TEX9: variants seen among roughly 807,000 people sequenced by gnomAD.
TEX9 encodes testis-expressed protein 9.
In TEX9, 74 loss-of-function variants were observed where a neutral mutation model predicts 59.6. That is an observed-to-expected ratio of 1.24 (90% CI 1.03 to 1.51). The LOEUF is 1.51. TEX9 is among the 40% of genes most tolerant of loss of function. TEX9 has a pLI of 0.00. For missense variants in TEX9, 522 were observed against 447.8 expected (o/e 1.17, Z -1.49); for synonymous variants, 186 against 152.2 (o/e 1.22, Z -1.64).
In TEX9 at chr15:56,336,884, G is replaced by A. The variant is rs1410274496; in HGVS notation, c.-106-36557G>A. ...CTGGGGCAAGGCATTACCTTTCAGCGTAGGGCGATTCCCAGTAGAGGACTC... is the reference window on the plus strand; with the variant it reads ...CTGGGGCAAGGCATTACCTTTCAGCATAGGGCGATTCCCAGTAGAGGACTC... On this transcript the variant is annotated intron_variant, in intron 1 of 5. Coordinates refer to the TEX9 transcript ENST00000560827. 3.3e-5 allele frequency among the ~76,000 whole-genome samples: 5 copies of A among 152,124 alleles called. No homozygotes were observed. The East Asian group carries it at 5.8e-4, about 18-fold the overall frequency.
intron 9 of TEX9, among the ~76,000 whole-genome samples, chr15:56,409,355 A>G (rs28572531): frequency 6.6e-6 from 1 of 152,252 alleles, no homozygotes; most frequent in Admixed American, 6.5e-5. Context: ...TTCTCTTATC[A>G]AAACCTAACA....
Position 56,365,482 on chromosome 15 carries a change from G to A in TEX9, c.27+5G>A, listed in dbSNP as rs1382394709. 4 of 1,614,194 alleles carry A rather than the reference G, an allele frequency of 2.5e-6. No homozygotes were observed. The highest frequency in any genetic ancestry group is 3.3e-4 in the Middle Eastern group (2 of 6,060). On this transcript the variant is annotated splice_donor_5th_base_variant and intron_variant, in intron 1 of 12. Transcript: ENST00000352903. ...GGGCGAAGTCTGTGTCTCACGGTCA[G>A]TTCAACTCCAGGCTCCTGGGGAGCG... is the stretch of plus-strand genomic sequence containing the variant.
At position 56,289,668 on chromosome 15, in the gene TEX9, G is replaced by C. The variant is rs144477209; in HGVS notation, c.-107+45390G>C. ...GGCTGAGGGGGTTTCTCTTGGCACT[G>C]GGTCTGGCGTGTGGGCTCACTTGCA... On this transcript the variant is annotated intron_variant, in intron 1 of 5. Transcript: ENST00000560827. Among the ~76,000 whole-genome samples, 4 of 152,314 alleles carry C rather than the reference G, an allele frequency of 2.6e-5. No homozygotes were observed. In the East Asian group the frequency reaches 7.7e-4, roughly 29 times the overall value.
At chr15:56,356,038 T>C (rs2046678120) in intron 1 of TEX9, among the ~76,000 whole-genome samples, 1 of 152,108 alleles carries the variant, frequency 6.6e-6, no homozygotes, top group Non-Finnish European at 1.5e-5. Context: ...TTCATGAATT[T>C]TTTGTAGTCT....
intron 9 of TEX9, among the ~76,000 whole-genome samples, chr15:56,412,031 A>C (rs1459432088): frequency 1.3e-5 from 2 of 152,132 alleles, no homozygotes; most frequent in African/African-American, 4.8e-5. Context: ...TGAGTCAATA[A>C]AGAGAGAGAA....
At chr15:56,428,766 A>C in intron 12 of TEX9, 1 of 352,252 alleles carries the variant, frequency 2.8e-6, no homozygotes, top group East Asian at 5.1e-5. Flanking sequence ...GGCTAAATCA[A>C]GTAAGTAAAG....
intron 10 of TEX9, among the ~76,000 whole-genome samples, chr15:56,417,131 A>T (rs1485233420): frequency 6.7e-6 from 1 of 150,256 alleles, no homozygotes; most frequent in East Asian, 1.9e-4. Context: ...TATTTTATTA[A>T]TTTTTTCAAA....
chr15:56,446,783 A>T (rs770734222), downstream of TEX9: 32 of 1,283,788 alleles, frequency 2.5e-5, no homozygotes, highest in Non-Finnish European at 3.5e-5. Flanking sequence ...TTAAGAAACA[A>T]GTCTAATTTT....
At chr15:56,451,750 TGTC>T in the TEX9 span, among the ~76,000 whole-genome samples, 1 of 152,142 alleles carries the variant, frequency 6.6e-6, no homozygotes, top group East Asian at 1.9e-4. Flanking sequence ...CCAATAAACC[TGTC>T]GTAAATTGAA....
intron 1 of TEX9, among the ~76,000 whole-genome samples, chr15:56,315,965 C>G (rs2045747357): frequency 6.6e-6 from 1 of 151,650 alleles, no homozygotes; most frequent in African/African-American, 2.4e-5. Flanking sequence ...CTTCTGCATT[C>G]TTCACGTAGC....
chr15:56,415,226 G>A (rs2049613822), intron 10 of TEX9, among the ~76,000 whole-genome samples: 1 of 151,856 alleles, frequency 6.6e-6, no homozygotes, highest in Non-Finnish European at 1.5e-5. Context: ...CTGTGCAGAA[G>A]CTCTTTAGTT....
intron 12 of TEX9, chr15:56,444,754 A>T (rs1333600534): frequency 2.5e-6 from 3 of 1,183,440 alleles, no homozygotes; most frequent in Non-Finnish European, 3.6e-6. Context: ...ATGTTATTGA[A>T]TATTATAAAG....
chr15:56,380,794 T>C (rs893822830), intron 3 of TEX9, among the ~76,000 whole-genome samples: 2 of 152,208 alleles, frequency 1.3e-5, no homozygotes, highest in Non-Finnish European at 2.9e-5. Context: ...GCTAGATGTA[T>C]TGGAGCTTCT....
chr15:56,297,490 A>G (rs542649528), intron 1 of TEX9, among the ~76,000 whole-genome samples: 1 of 152,250 alleles, frequency 6.6e-6, no homozygotes, highest in South Asian at 2.1e-4. Context: ...CTAACACTCT[A>G]CCCAGGTGGC....
the TEX9 span, among the ~76,000 whole-genome samples, chr15:56,451,693 A>G: frequency 6.6e-6 from 1 of 151,326 alleles, no homozygotes; most frequent in Non-Finnish European, 1.5e-5. Context: ...TGGTGAGAAA[A>G]CCATATGCAT....
chr15:56,245,406 C>G (rs1596038291), intron 1 of TEX9, among the ~76,000 whole-genome samples: 1 of 152,216 alleles, frequency 6.6e-6, no homozygotes, highest in African/African-American at 2.4e-5. Context: ...ACCCATTGCA[C>G]GAGTTGCATC....
chr15:56,399,290 G>T (rs1026347658), intron 9 of TEX9, among the ~76,000 whole-genome samples: 10 of 152,246 alleles, frequency 6.6e-5, no homozygotes, highest in South Asian at 6.2e-4. Context: ...TTAGCAACCG[G>T]CAGACAAGGA....
chr15:56,328,453 G>A (rs2046072034), intron 1 of TEX9, among the ~76,000 whole-genome samples: 1 of 152,144 alleles, frequency 6.6e-6, no homozygotes, highest in African/African-American at 2.4e-5. Context: ...CTCAGCCACA[G>A]TGGGGAAGAG....
At chr15:56,249,209 G>C (rs2043946709) in intron 1 of TEX9, 1 of 152,020 alleles carries the variant, frequency 6.6e-6, no homozygotes, top group Non-Finnish European at 1.5e-5. Context: ...TCCATTCCAA[G>C]CAGGCTTCAA....
Sources: allele counts gnomAD v4.1 joint callset (sites outside exome capture counted in the v4.1 genomes callset), GRCh38; gene constraint gnomAD v4.1.1; transcripts MANE v1.5; gene names NCBI Gene and HGNC (gene_info 2026-07-23, HGNC 2026-07-21).